The following PDE10A variants were observed in gnomAD, a reference collection of about 807,000 sequenced individuals.
PDE10A encodes the protein phosphodiesterase 10A, also known as cAMP and cAMP-inhibited cGMP 3',5'-cyclic phosphodiesterase 10A.
PDE10A carries 39 observed loss-of-function variants against 97.7 expected under a neutral mutation model. The observed-to-expected ratio is 0.40, with a 90% CI of 0.31 to 0.52. The LOEUF is 0.52. PDE10A is among the 20% of genes least tolerant of loss of function. The pLI, the probability that PDE10A is intolerant of heterozygous loss-of-function variation, is 0.56. For missense variants in PDE10A, 731 were observed against 1,047.8 expected (o/e 0.70, Z 4.17); for synonymous variants, 371 against 376.8 (o/e 0.98, Z 0.18).
In PDE10A at chr6:165,645,853, C is replaced by CAAAAA. The variant is rs57923490; in HGVS notation, c.865+16089_865+16093dup. 3.0e-5 allele frequency among the ~76,000 whole-genome samples: 3 copies of CAAAAA among 101,254 alleles called. 1 individual carries two copies. The highest frequency in any genetic ancestry group is 4.1e-5 in the Non-Finnish European group (2 of 49,152). 66.4% of individuals were successfully genotyped at this position (101,254 alleles called of 152,430 possible). On this transcript the variant is annotated intron_variant, in intron 1 of 21. Coordinates refer to ENST00000539869, the MANE Select transcript of PDE10A (RefSeq NM_001385079.1). ...TGGGCAGCAGAGCAAGACTCCATCT[C>CAAAAA]AAAAAAAAAAAAAAAAGTTTACTTC...
intron 1 of PDE10A, chr6:165,894,160 C>G (rs1284010118): frequency 2.7e-6 from 1 of 368,768 alleles, no homozygotes; most frequent in Non-Finnish European, 5.4e-6. Flanking sequence ...TTCAATATGA[C>G]AGCTGATTTA....
intron 1 of PDE10A, among the ~76,000 whole-genome samples, chr6:165,964,659 G>C (rs1356824003): frequency 6.6e-6 from 1 of 152,156 alleles, no homozygotes. Flanking sequence ...TATAAGTCCT[G>C]GTCCCTGTTA....
At chr6:165,445,078 A>G (rs904465606) in intron 5 of PDE10A, among the ~76,000 whole-genome samples, 4 of 152,274 alleles carry the variant, frequency 2.6e-5, no homozygotes, top group South Asian at 2.1e-4. Context: ...TATGTAGACT[A>G]TGCTGTCTTT....
Position 165,570,237 on chromosome 6 carries a change from A to T in PDE10A, c.866-26669T>A, listed in dbSNP as rs572755921. On this transcript the variant is annotated intron_variant, in intron 1 of 21. Transcript: ENST00000539869. Reference sequence around the variant, plus strand: ...TACTTCAAATTGTTTAAAAGGCAGAATGAATCTTTTAATAACTGGACAAAT... The same window carrying T: ...TACTTCAAATTGTTTAAAAGGCAGATTGAATCTTTTAATAACTGGACAAAT... Among the ~76,000 whole-genome samples the T allele has an allele frequency of 1.9e-4, 29 of 152,330 alleles. No individual in the cohort carries two copies. In the South Asian group the frequency reaches 6.0e-3, roughly 32 times the overall value.
At chr6:165,786,567 C>T (rs1406647508) in intron 1 of PDE10A, among the ~76,000 whole-genome samples, 2 of 152,182 alleles carry the variant, frequency 1.3e-5, no homozygotes, top group Non-Finnish European at 2.9e-5. Context: ...AGGTCATCTT[C>T]CTGCAGCTTT....
At chr6:165,392,241 T>C (rs1312554133) in intron 16 of PDE10A, among the ~76,000 whole-genome samples, 2 of 152,228 alleles carry the variant, frequency 1.3e-5, no homozygotes, top group East Asian at 3.8e-4. Context: ...TTCCTTATGC[T>C]AGAGGAGGTC....
chr6:165,943,194 AGAAAG>A (rs1768723598), intron 1 of PDE10A, among the ~76,000 whole-genome samples: 1 of 53,420 alleles, frequency 1.9e-5, no homozygotes. Flanking sequence ...AAAGAAAGAA[AGAAAG>A]AAAGAAAGAA....
At chr6:165,798,303 T>C (rs1324542525) in intron 1 of PDE10A, among the ~76,000 whole-genome samples, 4 of 151,784 alleles carry the variant, frequency 2.6e-5, no homozygotes, top group Admixed American at 6.6e-5. Flanking sequence ...TGAGAGAAAA[T>C]TGAGATGAAA....
chr6:165,871,366 C>T (rs1169300662), intron 1 of PDE10A, among the ~76,000 whole-genome samples: 1 of 152,104 alleles, frequency 6.6e-6, no homozygotes, highest in African/African-American at 2.4e-5. Context: ...AGAAAAGCTA[C>T]AGATGTTTTG....
intron 1 of PDE10A, among the ~76,000 whole-genome samples, chr6:165,885,728 G>A (rs1781613988): frequency 6.6e-6 from 1 of 152,204 alleles, no homozygotes; most frequent in South Asian, 2.1e-4. Context: ...ACTCTTGTTT[G>A]CCTTTATTGG....
At chr6:165,343,769 T>C (rs1284532381) in intron 18 of PDE10A, among the ~76,000 whole-genome samples, 8 of 152,208 alleles carry the variant, frequency 5.3e-5, no homozygotes, top group Admixed American at 5.2e-4. Flanking sequence ...TCAAATATAA[T>C]GTAGGCTCTG....
chr6:165,589,360 A>G (rs1357200007), intron 1 of PDE10A, among the ~76,000 whole-genome samples: 1 of 152,186 alleles, frequency 6.6e-6, no homozygotes, highest in African/African-American at 2.4e-5. Flanking sequence ...AAATTTCCCC[A>G]ATTTTAGTTG....
At chr6:165,816,242 C>T (rs191301116) in intron 1 of PDE10A, among the ~76,000 whole-genome samples, 1 of 152,360 alleles carries the variant, frequency 6.6e-6, no homozygotes, top group African/African-American at 2.4e-5. Context: ...AGCCACTGCG[C>T]CTGGCCCAGG....
At chr6:165,513,735 C>T (rs1039052420) in intron 2 of PDE10A, among the ~76,000 whole-genome samples, 15 of 152,056 alleles carry the variant, frequency 9.9e-5, no homozygotes, top group African/African-American at 3.1e-4. Flanking sequence ...ACAAATTTTG[C>T]ACTTCTGCTA....
intron 1 of PDE10A, among the ~76,000 whole-genome samples, chr6:165,637,355 G>A (rs1020006568): frequency 5.9e-5 from 9 of 152,042 alleles, no homozygotes; most frequent in African/African-American, 7.2e-5. Flanking sequence ...TTCTGTCACC[G>A]CACACATGTC....
intron 1 of PDE10A, among the ~76,000 whole-genome samples, chr6:165,696,269 G>A (rs1791441712): frequency 1.3e-5 from 2 of 152,144 alleles, no homozygotes; most frequent in Non-Finnish European, 2.9e-5. Context: ...TCACAGTTTT[G>A]TTTACTTATG....
chr6:165,618,964 CTAGTG>C (rs1787856691), intron 1 of PDE10A, among the ~76,000 whole-genome samples: 2 of 73,010 alleles, frequency 2.7e-5, no homozygotes, highest in South Asian at 3.6e-4. Context: ...GCAGTGTAGA[CTAGTG>C]TAGTGTAGTC....
chr6:165,816,043 G>A (rs763894357), intron 1 of PDE10A, among the ~76,000 whole-genome samples: 13 of 151,802 alleles, frequency 8.6e-5, no homozygotes, highest in South Asian at 2.1e-4. Flanking sequence ...TCTGCCTCCC[G>A]GATTCAAGCC....
intron 1 of PDE10A, among the ~76,000 whole-genome samples, chr6:165,818,719 T>G (rs142554683): frequency 6.6e-6 from 1 of 152,346 alleles, no homozygotes; most frequent in African/African-American, 2.4e-5. Flanking sequence ...TTCATATGGG[T>G]GCCAAAATCT....
Sources: allele counts gnomAD v4.1 joint callset (sites outside exome capture counted in the v4.1 genomes callset), GRCh38; gene constraint gnomAD v4.1.1; transcripts MANE v1.5; gene names NCBI Gene and HGNC (gene_info 2026-07-23, HGNC 2026-07-21).